FUCA1: variants seen among roughly 807,000 people sequenced by gnomAD.
FUCA1 encodes tissue alpha-L-fucosidase.
A neutral mutation model predicts 56.8 loss-of-function variants in FUCA1; 52 were observed. That is an observed-to-expected ratio of 0.92 (90% CI 0.73 to 1.15). The LOEUF is 1.15. FUCA1 is among the 50% of genes most tolerant of loss of function. The probability of loss-of-function intolerance (pLI) is 0.00; values close to 1 mark genes in which losing one functional copy is unlikely to be tolerated. For missense variants in FUCA1, 568 were observed against 592.6 expected, an observed-to-expected ratio of 0.96 and a Z score of 0.43; for synonymous variants, 230 against 226.6, an observed-to-expected ratio of 1.02 and a Z score of -0.14.
chr1:23,845,484 G>A lies in FUCA1; in HGVS notation c.*231C>T. 1 of 578,944 alleles carries A rather than the reference G, an allele frequency of 1.7e-6. No individual in the cohort carries two copies. The highest frequency in any genetic ancestry group is 3.1e-6 in the Non-Finnish European group (1 of 324,640). The allele number at this position is 578,944 out of a possible 1,614,324, so 35.9% of individuals were successfully genotyped here. ...CAATTGATGAACTCAGAGTTCAACT[G>A]CTCAGTTCCTTCTTCTGCTGACCTG... On this transcript the variant is annotated 3_prime_UTR_variant, in exon 8 of 8. Transcript: ENST00000374479.
Position 23,848,753 on chromosome 1 carries a change from T to C in FUCA1, c.1056A>G (p.Gln352=). ...TKDGLIVPIF[Q]ERLLAVGKWL... ...ATTTCCCAACAGCAAGAAGCCTTTC[T>C]TGGAAGATGGGAACAATCAGTCCAT... Residue 352 remains glutamine, a synonymous_variant, in exon 6 of 8, where the codon CAA becomes CAG. Coordinates refer to ENST00000374479, the MANE Select transcript of FUCA1 (RefSeq NM_000147.5). 4 of 1,614,190 alleles carry C rather than the reference T, an allele frequency of 2.5e-6. No individual in the cohort carries two copies. The South Asian group carries it at 3.3e-5, about 13-fold the overall frequency.
At chr1:23,847,297 A>C (rs1318657923) in intron 6 of FUCA1, among the ~76,000 whole-genome samples, 3 of 152,148 alleles carry the variant, frequency 2.0e-5, no homozygotes, top group Non-Finnish European at 4.4e-5. Context: ...AGACTATAAC[A>C]AGGACAAGAC....
chr1:23,848,639 C>T lies in FUCA1; in HGVS notation c.1160+10G>A. Reference sequence around the variant, plus strand: ...TTCTGTTCTTACACACAACAGAAGACAAGACTCACCATACAGATGTTGTGT... The same window carrying T: ...TTCTGTTCTTACACACAACAGAAGATAAGACTCACCATACAGATGTTGTGT... On this transcript the variant is annotated intron_variant, in intron 6 of 7. Transcript: ENST00000374479. 6.2e-7 allele frequency: 1 copy of T among 1,613,912 alleles called. No homozygotes were observed. The highest frequency in any genetic ancestry group is 8.5e-7 in the Non-Finnish European group (1 of 1,179,790).
intron 6 of FUCA1, among the ~76,000 whole-genome samples, chr1:23,848,144 AT>A (rs1482948002): frequency 3.3e-5 from 5 of 152,206 alleles, no homozygotes; most frequent in African/African-American, 1.2e-4. Context: ...GAGGGATTAG[AT>A]CCAGAGACCT....
intron 6 of FUCA1, among the ~76,000 whole-genome samples, chr1:23,846,945 G>A (rs368873604): frequency 1.3e-5 from 2 of 151,708 alleles, no homozygotes; most frequent in African/African-American, 4.8e-5. Context: ...GCTGTGTTGT[G>A]CTGGGCTCAA....
In FUCA1 at chr1:23,845,646, G is replaced by A. The variant is rs1639121923; in HGVS notation, c.*69C>T. 6.4e-7 allele frequency: 1 copy of A among 1,565,214 alleles called. No homozygotes were observed. The highest frequency in any genetic ancestry group is 8.8e-7 in the Non-Finnish European group (1 of 1,135,640). ...AGAGAAGTTCGTTGATTATAGTGAT[G>A]GTACTATAAGAGAAAAACTGAAGCA... On this transcript the variant is annotated 3_prime_UTR_variant, in exon 8 of 8. Transcript: ENST00000374479.
chr1:23,866,322 A>G (rs1416655382), intron 1 of FUCA1, among the ~76,000 whole-genome samples: 1 of 152,226 alleles, frequency 6.6e-6, no homozygotes, highest in East Asian at 1.9e-4. Flanking sequence ...AACAACAATA[A>G]CAACAAAATA....
At chr1:23,848,348 C>T (rs919382932) in intron 6 of FUCA1, among the ~76,000 whole-genome samples, 43 of 152,198 alleles carry the variant, frequency 2.8e-4, no homozygotes, top group African/African-American at 8.4e-4. Context: ...GATGGGGCTC[C>T]GTACAATCCA....
intron 5 of FUCA1, among the ~76,000 whole-genome samples, chr1:23,852,632 C>T (rs575977399): frequency 6.6e-6 from 1 of 152,152 alleles, no homozygotes; most frequent in East Asian, 1.9e-4. Context: ...CGCGCCACCA[C>T]GCCTGACTGG....
chr1:23,860,052 T>C (rs1639475354), intron 3 of FUCA1, 149 bp from the exon 4 acceptor site: 3 of 638,004 alleles, frequency 4.7e-6, no homozygotes, highest in Non-Finnish European at 8.5e-6. Flanking sequence ...CACAATGCAC[T>C]ATAGTCTCGA....
At chr1:23,847,913 T>C (rs1639175345) in intron 6 of FUCA1, among the ~76,000 whole-genome samples, 1 of 152,080 alleles carries the variant, frequency 6.6e-6, no homozygotes, top group South Asian at 2.1e-4. Flanking sequence ...TCCCAGCTGC[T>C]TGGGAGGCTG....
chr1:23,865,017 G>A (rs1462278332), intron 2 of FUCA1, among the ~76,000 whole-genome samples: 1 of 152,054 alleles, frequency 6.6e-6, no homozygotes, highest in Non-Finnish European at 1.5e-5. Context: ...AACTCTTAAA[G>A]ATCCAGACAG....
intron 4 of FUCA1, among the ~76,000 whole-genome samples, chr1:23,857,180 T>C (rs925725332): frequency 6.6e-6 from 1 of 152,102 alleles, no homozygotes. Context: ...GCAAGCGACC[T>C]AGCTCGAGGG....
chr1:23,855,441 G>A (rs921426675), intron 4 of FUCA1, among the ~76,000 whole-genome samples: 1 of 152,242 alleles, frequency 6.6e-6, no homozygotes, highest in African/African-American at 2.4e-5. Flanking sequence ...AGGTAGCAGT[G>A]AGCCGAGATC....
At chr1:23,863,024 G>A (rs1360669192) in intron 3 of FUCA1, 110 bp downstream of exon 3, 2 of 1,132,568 alleles carry the variant, frequency 1.8e-6, no homozygotes, top group Non-Finnish European at 2.6e-6. Context: ...TTATTTTGAT[G>A]TCTTTTAGGT....
At chr1:23,855,681 A>G (rs964455743) in intron 4 of FUCA1, among the ~76,000 whole-genome samples, 2 of 152,244 alleles carry the variant, frequency 1.3e-5, no homozygotes, top group Non-Finnish European at 2.9e-5. Context: ...ATTATTTGTA[A>G]CTAGTTCAAT....
chr1:23,857,245 T>C (rs1378759587), intron 4 of FUCA1, among the ~76,000 whole-genome samples: 1 of 152,144 alleles, frequency 6.6e-6, no homozygotes, highest in Non-Finnish European at 1.5e-5. Flanking sequence ...AATGGGGTAT[T>C]AACAATCTGA....
At chr1:23,846,813 C>T (rs999418646) in intron 6 of FUCA1, among the ~76,000 whole-genome samples, 1 of 152,136 alleles carries the variant, frequency 6.6e-6, no homozygotes, top group African/African-American at 2.4e-5. Context: ...AACTCCTGAC[C>T]TCAGGTGATC....
chr1:23,847,321 A>G (rs1639163639), intron 6 of FUCA1, among the ~76,000 whole-genome samples: 1 of 151,030 alleles, frequency 6.6e-6, no homozygotes, highest in Admixed American at 6.7e-5. Context: ...CAATGAAAAC[A>G]AATTTGTTGT....
Sources: allele counts gnomAD v4.1 joint callset (sites outside exome capture counted in the v4.1 genomes callset), GRCh38; gene constraint gnomAD v4.1.1; transcripts MANE v1.5; gene names NCBI Gene and HGNC (gene_info 2026-07-23, HGNC 2026-07-21).